FHOD3: variants seen among roughly 807,000 people sequenced by gnomAD.
FHOD3 encodes formin homology 2 domain containing 3, also known as FH1/FH2 domain-containing protein 3.
In FHOD3, 90 loss-of-function variants were observed where a neutral mutation model predicts 173.0. That is an observed-to-expected ratio of 0.52 (90% CI 0.44 to 0.62). The LOEUF (loss-of-function observed/expected upper bound fraction) is 0.62, where lower values mean the gene tolerates loss of function less well. FHOD3 is among the 20% of genes least tolerant of loss of function. The pLI, the probability that FHOD3 is intolerant of heterozygous loss-of-function variation, is 0.00. For synonymous variants in FHOD3, 828 were observed against 823.0 expected, an observed-to-expected ratio of 1.01 and a Z score of -0.10; for missense variants, 1,945 against 2,034.7, an observed-to-expected ratio of 0.96 and a Z score of 0.85.
At chr18:36,481,203 T>G (rs1158361059) in intron 3 of FHOD3, among the ~76,000 whole-genome samples, 2 of 152,000 alleles carry the variant, frequency 1.3e-5, no homozygotes, top group African/African-American at 4.8e-5. Context: ...TGTTGCTTTC[T>G]GTGTTTGTTC....
At chr18:36,489,614 G>A (rs1182761755) in intron 3 of FHOD3, among the ~76,000 whole-genome samples, 1 of 152,170 alleles carries the variant, frequency 6.6e-6, no homozygotes, top group Non-Finnish European at 1.5e-5. Flanking sequence ...GGAGGCTGCA[G>A]TGAGCCATGT....
At chr18:36,729,545 C>A (rs990945612) in intron 19 of FHOD3, among the ~76,000 whole-genome samples, 20 of 152,290 alleles carry the variant, frequency 1.3e-4, no homozygotes, top group Non-Finnish European at 2.2e-4. Context: ...AAGGTACTGG[C>A]CAGTTAGGTT....
chr18:36,375,886 T>C (rs1312960019), intron 3 of FHOD3, among the ~76,000 whole-genome samples: 1 of 152,258 alleles, frequency 6.6e-6, no homozygotes, highest in Non-Finnish European at 1.5e-5. Flanking sequence ...TCTTTGTACA[T>C]TTTTGGTATG....
intron 3 of FHOD3, among the ~76,000 whole-genome samples, chr18:36,393,831 C>G (rs888654562): frequency 6.6e-6 from 1 of 152,198 alleles, no homozygotes; most frequent in Non-Finnish European, 1.5e-5. Context: ...TCCCAAACTT[C>G]AGAAAACTCT....
At chr18:36,340,620 T>C (rs55715712) in intron 1 of FHOD3, among the ~76,000 whole-genome samples, 17,124 of 146,502 alleles carry the variant, frequency 0.12, 3,326 homozygotes, top group African/African-American at 0.4. Context: ...TGGCTGCTGC[T>C]GCTCAGTCTC....
chr18:36,488,850 C>T (rs941013486), intron 3 of FHOD3, among the ~76,000 whole-genome samples: 59 of 152,268 alleles, frequency 3.9e-4, no homozygotes, highest in African/African-American at 1.4e-3. Context: ...GCAAAGCAGG[C>T]ACAGGTACAG....
chr18:36,501,804 C>A (rs2055045649), intron 3 of FHOD3, 128 bp from the exon 4 acceptor site: 1 of 632,654 alleles, frequency 1.6e-6, no homozygotes. Context: ...AGGTCTGTAT[C>A]CTGAATGAAA....
intron 14 of FHOD3, among the ~76,000 whole-genome samples, chr18:36,666,101 C>T (rs2037162701): frequency 6.6e-6 from 1 of 152,240 alleles, no homozygotes; most frequent in African/African-American, 2.4e-5. Context: ...TAGATATGAG[C>T]CAGCACAGTA....
At chr18:36,489,399 G>A (rs367750805) in intron 3 of FHOD3, among the ~76,000 whole-genome samples, 6 of 152,222 alleles carry the variant, frequency 3.9e-5, no homozygotes, top group South Asian at 2.1e-4. Context: ...CGTGTTCTTC[G>A]TTGTTTTTAA....
rs757717851 is a variant in FHOD3 at position 36,717,843 on chromosome 18, G to A, written c.2545G>A (p.Ala849Thr). ...CCATGTACTTTCAGGTTTGTGGCCC[G>A]CAGGTGTCCAGGATGCAGGTGTAAA... ...SRDRTTGLWP[A>T]GVQDAGVNGQ... is the part of the protein sequence containing the mutation. The change falls in exon 19 of 29, where the codon GCA becomes ACA. Residue 849 changes from alanine to threonine, a missense_variant. By Grantham distance (58) the Ala-to-Thr change is moderately conservative (BLOSUM62 0). Transcript: ENST00000590592. 2.0e-5 allele frequency: 31 copies of A among 1,573,124 alleles called. No homozygotes were observed. Among genetic ancestry groups the A allele is most frequent in the South Asian group, 2.4e-5 (2 of 84,308 alleles).
At chr18:36,422,382 C>T (rs1159303466) in intron 3 of FHOD3, among the ~76,000 whole-genome samples, 1 of 152,134 alleles carries the variant, frequency 6.6e-6, no homozygotes, top group African/African-American at 2.4e-5. Context: ...AACCTATCCC[C>T]TGTTGAAGGA....
chr18:36,617,737 G>A (rs2033344583), intron 9 of FHOD3, among the ~76,000 whole-genome samples: 1 of 152,070 alleles, frequency 6.6e-6, no homozygotes, highest in Non-Finnish European at 1.5e-5. Flanking sequence ...TCTGGTCTTT[G>A]ATGGCTTATT....
chr18:36,532,887 C>T (rs141658606), intron 5 of FHOD3, among the ~76,000 whole-genome samples: 193 of 152,314 alleles, frequency 1.3e-3, no homozygotes, highest in African/African-American at 4.3e-3. Context: ...AATAGTGTCT[C>T]GTTGTGTCAT....
At chr18:36,358,884 T>A (rs2046481956) in intron 2 of FHOD3, among the ~76,000 whole-genome samples, 1 of 152,104 alleles carries the variant, frequency 6.6e-6, no homozygotes, top group Non-Finnish European at 1.5e-5. Context: ...TCCTCCTGTC[T>A]TAGCCTCTCA....
intron 7 of FHOD3, among the ~76,000 whole-genome samples, chr18:36,598,093 G>A (rs764105992): frequency 5.3e-5 from 8 of 152,198 alleles, no homozygotes; most frequent in Non-Finnish European, 1.2e-4. Context: ...TCAACTGGGT[G>A]AGAGAGCAGA....
In FHOD3 at chr18:36,760,638, C is replaced by A; in HGVS notation, c.4480C>A (p.Pro1494Thr). 1 of 1,591,600 alleles carries A rather than the reference C, an allele frequency of 6.3e-7. No individual in the cohort carries two copies. Residue 1494 changes from proline to threonine, a missense_variant, in exon 27 of 29, where the codon CCC becomes ACC. Pro to Thr is a conservative substitution (Grantham distance 38). This residue lies in a region of FHOD3 where 354 missense variants were observed against 359.9 expected (regional missense o/e 0.98). Transcript: ENST00000590592. ...SGKFSGSSPA[P>T]PSQPQGLSYA... ...CAAGTTCTCCGGCAGTTCTCCGGCG[C>A]CCCCAAGCCAGCCGCAGGGTCTGAG...
intron 27 of FHOD3, among the ~76,000 whole-genome samples, chr18:36,762,948 TGTATTATATACGTTATATATGC>T (rs769008223): frequency 0.12 from 17,293 of 145,622 alleles, 1,275 homozygotes; most frequent in Admixed American, 0.14. Context: ...ATATAATATG[TGTATTATATACGTTATATATGC>T]GTATTATATA....
chr18:36,709,650 G>A (rs1015779910), intron 18 of FHOD3: 3 of 454,130 alleles, frequency 6.6e-6, no homozygotes, highest in Non-Finnish European at 1.2e-5. Context: ...CTGGGGAAAA[G>A]GGCCCCGATA....
At chr18:36,366,113 A>G (rs1253744643) in intron 2 of FHOD3, among the ~76,000 whole-genome samples, 3 of 152,208 alleles carry the variant, frequency 2.0e-5, no homozygotes, top group South Asian at 4.1e-4. Flanking sequence ...AGGCACAGAC[A>G]TTAGTATAGT....
Sources: gnomAD v4.1 joint callset for allele counts (sites outside exome capture counted in the v4.1 genomes callset) on GRCh38, gnomAD v4.1.1 for gene constraint, gnomAD v4.1.1 regional missense constraint, MANE v1.5 for transcripts, NCBI Gene and HGNC (gene_info 2026-07-23, HGNC 2026-07-21) for gene names.